The following EPB41L3 variants were observed in gnomAD, a reference collection of about 807,000 sequenced individuals.
The protein encoded by EPB41L3 is band 4.1-like protein 3.
In EPB41L3, 57 loss-of-function variants were observed where a neutral mutation model predicts 127.1. That is an observed-to-expected ratio of 0.45 (90% CI 0.36 to 0.56). The LOEUF (loss-of-function observed/expected upper bound fraction) is 0.56. EPB41L3 is among the 20% of genes least tolerant of loss of function. The pLI is 0.00. For synonymous variants in EPB41L3, 572 were observed against 549.5 expected (o/e 1.04, Z -0.57); for missense variants, 1,273 against 1,372.2 (o/e 0.93, Z 1.14).
chr18:5,396,083 TG>T, intron 19 of EPB41L3, 117 bp downstream of exon 19: 1 of 1,252,152 alleles, frequency 8.0e-7, no homozygotes, highest in Non-Finnish European at 1.1e-6. Flanking sequence ...AGAAATGGTC[TG>T]GCTGCTGGAT....
chr18:5,396,948 TG>T, intron 18 of EPB41L3, 109 bp downstream of exon 18: 1 of 1,155,572 alleles, frequency 8.7e-7, no homozygotes, highest in Non-Finnish European at 1.2e-6. Flanking sequence ...ACACTATACA[TG>T]GGAGAGGCAG....
chr18:5,440,274 C>T (rs2080486272), intron 5 of EPB41L3, among the ~76,000 whole-genome samples: 1 of 151,956 alleles, frequency 6.6e-6, no homozygotes, highest in Admixed American at 6.5e-5. Flanking sequence ...GGTTATAACA[C>T]ACAAAAAACA....
chr18:5,571,460 T>A (rs1007698616), intron 3 of EPB41L3, among the ~76,000 whole-genome samples: 1 of 152,220 alleles, frequency 6.6e-6, no homozygotes, highest in African/African-American at 2.4e-5. Context: ...TTAATTGTAC[T>A]CAGCGTGACA....
intron 3 of EPB41L3, among the ~76,000 whole-genome samples, chr18:5,586,731 T>G (rs1222974528): frequency 1.3e-5 from 2 of 152,130 alleles, no homozygotes; most frequent in Non-Finnish European, 2.9e-5. Context: ...TGTGGTATTA[T>G]TTAAGATAAA....
intron 3 of EPB41L3, among the ~76,000 whole-genome samples, chr18:5,458,032 T>A (rs2083389634): frequency 6.6e-6 from 1 of 152,128 alleles, no homozygotes; most frequent in Non-Finnish European, 1.5e-5. Context: ...GCAGAAACAT[T>A]TTTTTAAAAA....
chr18:5,395,703 T>C lies in EPB41L3; in HGVS notation c.2978A>G (p.Asp993Gly). 1 of 1,614,104 alleles carries C rather than the reference T, an allele frequency of 6.2e-7. No homozygotes were observed. Among genetic ancestry groups the C allele is most frequent in the South Asian group, 1.1e-5 (1 of 91,080 alleles). ...GCCTGGCTCCAGATCTGTGCCTGGA[T>C]CGACCTAAAGCAGCAGAGGCATAGA... ...KTITYESSQVDPGTDLEPGVL... is the reference protein window; with the variant it reads ...KTITYESSQVGPGTDLEPGVL... The change falls in exon 20 of 23, where the codon GAT becomes GGT. Residue 993 changes from aspartate (D) to glycine (G), a missense_variant. Transcript: ENST00000341928.
chr18:5,581,591 A>G (rs2094394132), intron 3 of EPB41L3, among the ~76,000 whole-genome samples: 1 of 152,220 alleles, frequency 6.6e-6, no homozygotes, highest in Non-Finnish European at 1.5e-5. Flanking sequence ...AGTTACTCCA[A>G]GGGGAAAAGG....
intron 6 of EPB41L3, among the ~76,000 whole-genome samples, chr18:5,436,687 C>G (rs543449287): frequency 1.3e-5 from 2 of 152,080 alleles, no homozygotes; most frequent in African/African-American, 4.8e-5. Context: ...GGATTACAGG[C>G]GTGCGCCACC....
At chr18:5,596,413 A>C (rs2094537412) in intron 3 of EPB41L3, among the ~76,000 whole-genome samples, 1 of 152,200 alleles carries the variant, frequency 6.6e-6, no homozygotes, top group Non-Finnish European at 1.5e-5. Flanking sequence ...AGGCCTTCAG[A>C]AGCTGGGTGT....
At chr18:5,564,987 C>A (rs72868458) in intron 3 of EPB41L3, among the ~76,000 whole-genome samples, 1 of 152,170 alleles carries the variant, frequency 6.6e-6, no homozygotes, top group African/African-American at 2.4e-5. Context: ...TAAACGGCCA[C>A]ATAGCAAAAT....
At chr18:5,527,541 C>T (rs559640677) in intron 1 of EPB41L3, among the ~76,000 whole-genome samples, 1 of 152,160 alleles carries the variant, frequency 6.6e-6, no homozygotes, top group South Asian at 2.1e-4. Flanking sequence ...TGGCAGTGAA[C>T]AAAATGGATA....
At chr18:5,520,753 A>G (rs1719950) in intron 1 of EPB41L3, among the ~76,000 whole-genome samples, 39,496 of 152,092 alleles carry the variant, frequency 0.26, 5,669 homozygotes, top group African/African-American at 0.39. Flanking sequence ...ACTCCCACCC[A>G]CAAGGCCCAT....
chr18:5,404,340 A>G (rs7232333), intron 16 of EPB41L3, among the ~76,000 whole-genome samples: 142,388 of 152,280 alleles, frequency 0.94, 66,863 homozygotes, highest in Non-Finnish European at 0.98. Context: ...CTGAGGGACT[A>G]CAAAACAACC....
In EPB41L3 at chr18:5,485,426, A is replaced by C. The variant is rs536889207; in HGVS notation, c.183+3575T>G. Among the ~76,000 whole-genome samples the C allele has an allele frequency of 8.5e-5, 13 of 152,194 alleles. 1 individual carries two copies. In the South Asian group the frequency reaches 2.3e-3, roughly 27 times the overall value. ...TGAAAAACTGAAGGCCTTTCCTCTA[A>C]GGACTAGAACAAGTAAAGGATGCCC... On this transcript the variant is annotated intron_variant, in intron 2 of 22. Transcript: ENST00000341928.
At chr18:5,566,774 A>G in intron 3 of EPB41L3, among the ~76,000 whole-genome samples, 1 of 133,040 alleles carries the variant, frequency 7.5e-6, no homozygotes, top group Admixed American at 7.4e-5. Flanking sequence ...ATTCTATTCT[A>G]TTCTATTCTA....
chr18:5,451,554 C>A (rs1448362643), intron 3 of EPB41L3, among the ~76,000 whole-genome samples: 2 of 152,232 alleles, frequency 1.3e-5, no homozygotes, highest in Admixed American at 1.3e-4. Context: ...GCACTCACTT[C>A]ATATCCCTGA....
intron 1 of EPB41L3, among the ~76,000 whole-genome samples, chr18:5,520,222 G>A (rs1031046078): frequency 6.6e-6 from 1 of 152,194 alleles, no homozygotes; most frequent in Non-Finnish European, 1.5e-5. Context: ...ACATGTTTCT[G>A]AGTCATAGTG....
intron 2 of EPB41L3, chr18:5,479,565 T>C (rs2087984227): frequency 1.3e-5 from 2 of 152,196 alleles, no homozygotes; most frequent in South Asian, 4.1e-4. Flanking sequence ...TCATTTTCTA[T>C]CTTGTTTTCC....
At chr18:5,519,371 C>T (rs890326328) in intron 1 of EPB41L3, among the ~76,000 whole-genome samples, 1 of 152,150 alleles carries the variant, frequency 6.6e-6, no homozygotes, top group African/African-American at 2.4e-5. Flanking sequence ...CATCTTGGAC[C>T]TCAGTTACTC....
Sources: gnomAD v4.1 joint callset for allele counts (sites outside exome capture counted in the v4.1 genomes callset) on GRCh38, gnomAD v4.1.1 for gene constraint, MANE v1.5 for transcripts, NCBI Gene and HGNC (gene_info 2026-07-23, HGNC 2026-07-21) for gene names.